DLEC1: variants seen among roughly 807,000 people sequenced by gnomAD.
DLEC1 encodes DLEC1 cilia and flagella associated protein.
DLEC1 carries 146 observed loss-of-function variants against 198.1 expected under a neutral mutation model. The observed-to-expected ratio is 0.74, with a 90% CI of 0.64 to 0.85. The LOEUF is 0.85. DLEC1 is among the 40% of genes least tolerant of loss of function. The pLI is 0.00. For missense variants in DLEC1, 2,233 were observed against 2,220.0 expected (o/e 1.01, Z -0.12); for synonymous variants, 897 against 866.8 (o/e 1.03, Z -0.61).
chr3:38,117,738 C>A, intron 32 of DLEC1, 68 bp from the exon 33 acceptor site: 1 of 1,602,954 alleles, frequency 6.2e-7, no homozygotes, highest in Non-Finnish European at 8.5e-7. Context: ...CCAGCCCTAC[C>A]CTAGAGCCAT....
chr3:38,075,268 C>T (rs929930935), intron 6 of DLEC1, among the ~76,000 whole-genome samples: 36 of 152,216 alleles, frequency 2.4e-4, no homozygotes, highest in Admixed American at 1.0e-3. Context: ...AGTGCCTGGA[C>T]GTAAGGCACC....
intron 18 of DLEC1, among the ~76,000 whole-genome samples, chr3:38,099,544 C>T (rs981918662): frequency 7.2e-5 from 11 of 152,096 alleles, no homozygotes; most frequent in African/African-American, 2.7e-4. Context: ...CTGCTGAAAC[C>T]CAACCCTAGA....
intron 10 of DLEC1, 132 bp from the exon 11 acceptor site, chr3:38,092,658 G>A: frequency 1.2e-6 from 1 of 806,788 alleles, no homozygotes; most frequent in South Asian, 1.5e-5. Flanking sequence ...GAGTAAGGTG[G>A]GAGGTGGCAG....
intron 31 of DLEC1, 111 bp downstream of exon 31, chr3:38,117,413 G>T (rs1252414198): frequency 6.3e-7 from 1 of 1,597,712 alleles, no homozygotes; most frequent in South Asian, 1.1e-5. Flanking sequence ...CATGGGTGGA[G>T]AAGTCAGCAG....
Position 38,063,874 on chromosome 3 carries a change from A to G in DLEC1, c.1128A>G (p.Pro376=). The part of the protein sequence containing the change: ...CADTPVFLAK[P]PIGFFTDYEI... Reference sequence around the variant, plus strand: ...ATACTCCAGTGTTTCTAGCTAAGCCACCAATTGGGTTTTTCACAGATTATG... The same window carrying G: ...ATACTCCAGTGTTTCTAGCTAAGCCGCCAATTGGGTTTTTCACAGATTATG... The change falls in exon 6 of 37, where the codon CCA becomes CCG. Residue 376 remains proline, a synonymous_variant. Coordinates refer to ENST00000308059, the MANE Select transcript of DLEC1 (RefSeq NM_007335.4). The G allele has an allele frequency of 1.2e-6, 2 of 1,613,566 alleles. No homozygotes were observed. The highest frequency in any genetic ancestry group is 1.7e-6 in the Non-Finnish European group (2 of 1,179,690).
At chr3:38,099,062 C>G (rs1699175061) in intron 18 of DLEC1, among the ~76,000 whole-genome samples, 1 of 152,226 alleles carries the variant, frequency 6.6e-6, no homozygotes, top group South Asian at 2.1e-4. Context: ...AGAACCCTTT[C>G]TTCAAATGAA....
intron 2 of DLEC1, among the ~76,000 whole-genome samples, chr3:38,050,785 C>T (rs1701078773): frequency 6.6e-6 from 1 of 152,148 alleles, no homozygotes; most frequent in Non-Finnish European, 1.5e-5. Context: ...TGTATTAAAA[C>T]CTTTAATATT....
chr3:38,106,208 TTCTG>T (rs937800028), intron 19 of DLEC1, among the ~76,000 whole-genome samples: 35 of 152,380 alleles, frequency 2.3e-4, no homozygotes, highest in African/African-American at 5.8e-4. Flanking sequence ...AATACATTTA[TTCTG>T]TCTTTGTATT....
At chr3:38,107,848 T>C (rs1575215855) in intron 20 of DLEC1, 111 bp downstream of exon 20, 11 of 1,249,000 alleles carry the variant, frequency 8.8e-6, no homozygotes, top group Non-Finnish European at 1.2e-5. Flanking sequence ...ATACTCAGCC[T>C]CCCTCCCACA....
At chr3:38,092,194 G>A (rs1413500368) in intron 10 of DLEC1, among the ~76,000 whole-genome samples, 1 of 152,208 alleles carries the variant, frequency 6.6e-6, no homozygotes, top group Non-Finnish European at 1.5e-5. Flanking sequence ...TGAGGTATAT[G>A]TACACAATGG....
In DLEC1 at chr3:38,122,602, A is replaced by G. The variant is rs1700547829; in HGVS notation, c.*190A>G. On this transcript the variant is annotated 3_prime_UTR_variant, in exon 37 of 37. Coordinates refer to ENST00000308059, the MANE Select transcript of DLEC1 (RefSeq NM_007335.4). ...CTCATGATATGTCCTCAGAGCTAAC[A>G]TAAAGGACAGGCCACACCACAGCAG... 1 of 1,574,994 alleles carries G rather than the reference A, an allele frequency of 6.3e-7. No homozygotes were observed. Among genetic ancestry groups the G allele is most frequent in the Non-Finnish European group, 8.6e-7 (1 of 1,164,502 alleles).
chr3:38,085,017 T>C (rs1042892992), intron 7 of DLEC1, among the ~76,000 whole-genome samples: 1 of 152,204 alleles, frequency 6.6e-6, no homozygotes, highest in Non-Finnish European at 1.5e-5. Context: ...TTCTAAGCCA[T>C]AGGGCCAGGC....
intron 16 of DLEC1, 79 bp downstream of exon 16, chr3:38,097,354 A>C (rs1487152154): frequency 6.5e-7 from 1 of 1,537,382 alleles, no homozygotes; most frequent in Non-Finnish European, 8.8e-7. Flanking sequence ...AAAGGGGCTT[A>C]TGCAGGGCTC....
Position 38,117,628 on chromosome 3 carries a change from C to T in DLEC1, c.4485+17C>T. ...TGCTCTGGGGTGAGTGTGCTGCCAC[C>T]CTCTGGCCCTGCCAGCTTACCTGGA... On this transcript the variant is annotated intron_variant, in intron 32 of 36. Transcript: ENST00000308059. The T allele has an allele frequency of 6.2e-7, 1 of 1,614,030 alleles. No homozygotes were observed. The highest frequency in any genetic ancestry group is 8.5e-7 in the Non-Finnish European group (1 of 1,179,906).
intron 18 of DLEC1, among the ~76,000 whole-genome samples, 189 bp downstream of exon 18, chr3:38,098,091 A>G (rs1426423737): frequency 1.1e-4 from 16 of 152,170 alleles, no homozygotes; most frequent in Non-Finnish European, 1.5e-5. Flanking sequence ...TCCTCTCTAC[A>G]GCCAAATGTA....
At chr3:38,052,752 T>A (rs1701185125) in intron 2 of DLEC1, among the ~76,000 whole-genome samples, 1 of 131,734 alleles carries the variant, frequency 7.6e-6, no homozygotes, top group African/African-American at 3.0e-5. Flanking sequence ...TACAAGGGTT[T>A]GAAGTCCCTC....
chr3:38,115,018 C>T lies in DLEC1; in HGVS notation c.3821C>T (p.Thr1274Ile), dbSNP rs1358330255. The T allele has an allele frequency of 6.2e-7, 1 of 1,613,936 alleles. No homozygotes were observed. The highest frequency in any genetic ancestry group is 1.7e-5 in the Admixed American group (1 of 59,984). Residue 1274 changes from threonine (T) to isoleucine (I), a missense_variant, in exon 27 of 37, where the codon ACC becomes ATC. Coordinates refer to ENST00000308059, the MANE Select transcript of DLEC1 (RefSeq NM_007335.4). ...GTQVSGGDTV[T>I]RTLRLNNSSP... Reference sequence around the variant, plus strand: ...CAGGTCTCCGGAGGAGACACAGTTACCCGAACCCTTCGCCTGAATAACTCC... The same window carrying T: ...CAGGTCTCCGGAGGAGACACAGTTATCCGAACCCTTCGCCTGAATAACTCC...
At chr3:38,093,804 T>A (rs374133711) in intron 12 of DLEC1, 37 bp downstream of exon 12, 12 of 1,606,988 alleles carry the variant, frequency 7.5e-6, no homozygotes, top group Non-Finnish European at 1.0e-5. Flanking sequence ...TACCCAACCC[T>A]TCTTCTTGCT....
At chr3:38,088,795 C>T (rs932295592) in intron 10 of DLEC1, among the ~76,000 whole-genome samples, 1 of 152,036 alleles carries the variant, frequency 6.6e-6, no homozygotes, top group African/African-American at 2.4e-5. Flanking sequence ...CTGCTTCATC[C>T]TCAGTTTGTA....
Sources: allele counts gnomAD v4.1 joint callset (sites outside exome capture counted in the v4.1 genomes callset), GRCh38; gene constraint gnomAD v4.1.1; transcripts MANE v1.5; gene names NCBI Gene and HGNC (gene_info 2026-07-23, HGNC 2026-07-21).